CPXM2: variants seen among roughly 807,000 people sequenced by gnomAD.
The protein encoded by CPXM2 is inactive carboxypeptidase-like protein X2.
CPXM2 carries 66 observed loss-of-function variants against 86.1 expected under a neutral mutation model. The ratio of observed to expected loss-of-function variants is 0.77; its 90% CI spans 0.63 to 0.94. CPXM2 has a LOEUF of 0.94. Ranked by LOEUF, CPXM2 falls within the 40% of genes least tolerant of loss-of-function variation. The pLI is 0.00. For synonymous variants in CPXM2, 388 were observed against 400.2 expected (o/e 0.97, Z 0.36); for missense variants, 948 against 1,026.3 (o/e 0.92, Z 1.04).
At chr10:123,822,520 C>T (rs887547082) in intron 4 of CPXM2, among the ~76,000 whole-genome samples, 10 of 151,596 alleles carry the variant, frequency 6.6e-5, no homozygotes, top group Non-Finnish European at 1.3e-4. Flanking sequence ...ATACAGAGTG[C>T]TTGTAAATCG....
rs1182839822 is a variant in CPXM2 at position 123,866,082 on chromosome 10, T to G, written c.404-3359A>C. ...TCGGTCCAGACCTTCCTTCCTTGTT[T>G]GGACTTTTCTTTCCACCTTCCCCAG... On this transcript the variant is annotated intron_variant, in intron 2 of 13. Coordinates refer to ENST00000241305, the MANE Select transcript of CPXM2 (RefSeq NM_198148.3). Among the ~76,000 whole-genome samples the G allele has an allele frequency of 5.3e-5, 8 of 152,268 alleles. No individual in the cohort carries two copies. The East Asian group carries it at 1.5e-3, about 29-fold the overall frequency.
At chr10:123,871,584 G>GAA (rs1944897113) in intron 2 of CPXM2, among the ~76,000 whole-genome samples, 1 of 152,106 alleles carries the variant, frequency 6.6e-6, no homozygotes, top group East Asian at 1.9e-4. Flanking sequence ...TTACTTTAGT[G>GAA]AAAATATGTT....
intron 2 of CPXM2, among the ~76,000 whole-genome samples, chr10:123,927,414 G>A (rs978565127): frequency 4.6e-5 from 7 of 152,210 alleles, no homozygotes; most frequent in East Asian, 3.8e-4. Context: ...GAGTAAAAAC[G>A]TACATAGGCT....
intron 6 of CPXM2, among the ~76,000 whole-genome samples, chr10:123,793,558 G>A (rs1847257494): frequency 6.6e-6 from 1 of 150,918 alleles, no homozygotes; most frequent in Non-Finnish European, 1.5e-5. Context: ...GGCTTCTCCT[G>A]AAAGGGGTGT....
At position 123,798,084 on chromosome 10, in the gene CPXM2, C is replaced by G; in HGVS notation, c.781G>C (p.Glu261Gln). 2 of 1,611,148 alleles carry G rather than the reference C, an allele frequency of 1.2e-6. No individual in the cohort carries two copies. Among genetic ancestry groups the G allele is most frequent in the South Asian group, 2.2e-5 (2 of 90,476 alleles). The change falls in exon 6 of 14, where the codon GAG (glutamate) becomes CAG (glutamine). Residue 261 changes from glutamate to glutamine, a missense_variant. Coordinates refer to ENST00000241305, the MANE Select transcript of CPXM2 (RefSeq NM_198148.3). ...CGGGCCACCATGGGGACGGGTAGCT[C>G]ATTGAGAACAGGGATCTCCTTCTCA... ...NSEKEIPVLN[E>Q]LPVPMVARYI...
chr10:123,816,188 C>T (rs1252321640), intron 4 of CPXM2, among the ~76,000 whole-genome samples: 1 of 152,104 alleles, frequency 6.6e-6, no homozygotes, highest in East Asian at 1.9e-4. Context: ...TTACTAATGC[C>T]ATGCAAAATA....
chr10:123,747,787 TG>T lies in CPXM2; in HGVS notation c.2018-771del, dbSNP rs1222035732. Reference sequence around the variant, plus strand: ...CAGCACTTTGGGAGGCTGGGTGTGGTGGTGGGTGCCTGTAATCCCAGCTACT... The same window carrying T: ...CAGCACTTTGGGAGGCTGGGTGTGGTGTGGGTGCCTGTAATCCCAGCTACT... On this transcript the variant is annotated intron_variant, in intron 13 of 13. Coordinates refer to ENST00000241305, the MANE Select transcript of CPXM2 (RefSeq NM_198148.3). 2.6e-5 allele frequency among the ~76,000 whole-genome samples: 4 copies of T among 151,998 alleles called. No homozygotes were observed. The East Asian group carries it at 7.8e-4, about 30-fold the overall frequency.
intron 1 of CPXM2, among the ~76,000 whole-genome samples, chr10:123,890,683 T>C (rs1038650263): frequency 1.1e-4 from 16 of 152,186 alleles, no homozygotes; most frequent in Non-Finnish European, 5.9e-5. Context: ...GAAAATGAGG[T>C]TGGCAGAAAC....
At chr10:123,900,788 C>T (rs1015402730) in intron 2 of CPXM2, among the ~76,000 whole-genome samples, 3 of 152,122 alleles carry the variant, frequency 2.0e-5, no homozygotes, top group African/African-American at 7.2e-5. Context: ...ATGCTTGTGC[C>T]AATAGAGAAT....
chr10:123,832,444 T>G (rs1848185045), intron 4 of CPXM2, among the ~76,000 whole-genome samples: 1 of 152,312 alleles, frequency 6.6e-6, no homozygotes, highest in Admixed American at 6.5e-5. Context: ...GACAGGATTT[T>G]ACTATGAGGC....
At chr10:123,869,650 G>A (rs1035042356) in intron 2 of CPXM2, among the ~76,000 whole-genome samples, 1 of 152,156 alleles carries the variant, frequency 6.6e-6, no homozygotes, top group African/African-American at 2.4e-5. Flanking sequence ...GGCGAGCATG[G>A]CGTCCTCTGC....
chr10:123,903,899 C>G (rs1003250310), intron 2 of CPXM2, among the ~76,000 whole-genome samples: 2 of 152,208 alleles, frequency 1.3e-5, no homozygotes, highest in African/African-American at 2.4e-5. Context: ...GGGGGAAGCT[C>G]TCAGACTCTG....
intron 4 of CPXM2, among the ~76,000 whole-genome samples, chr10:123,832,413 C>T (rs1306289375): frequency 6.6e-6 from 1 of 152,050 alleles, no homozygotes; most frequent in Non-Finnish European, 1.5e-5. Context: ...GTGCACTGGA[C>T]AGGGAGGAGG....
At chr10:123,789,753 C>A (rs1379326066) in intron 6 of CPXM2, among the ~76,000 whole-genome samples, 2 of 152,182 alleles carry the variant, frequency 1.3e-5, no homozygotes, top group Non-Finnish European at 2.9e-5. Context: ...GTAGCCCCTA[C>A]TGCTGCGTCG....
chr10:123,746,507 T>A lies in CPXM2; in HGVS notation c.*257A>T, dbSNP rs1468724251. The A allele has an allele frequency of 5.9e-6, 3 of 505,678 alleles. No individual in the cohort carries two copies. The highest frequency in any genetic ancestry group is 1.0e-5 in the Non-Finnish European group (3 of 286,448). The allele number at this position is 505,678 out of a possible 1,614,324, so 31.3% of individuals were successfully genotyped here. A position where few individuals can be genotyped will look rare whatever the true frequency, so the allele number is the denominator to read the frequency against. On this transcript the variant is annotated 3_prime_UTR_variant, in exon 14 of 14. Transcript: ENST00000241305. ...CTCCTTCTCTCTCTGATTCCCAGGTTGGCTTGCTGAGTTCTCTCACTCCCA... is the reference window on the plus strand; with the variant it reads ...CTCCTTCTCTCTCTGATTCCCAGGTAGGCTTGCTGAGTTCTCTCACTCCCA...
chr10:123,760,402 C>A (rs1564753203), intron 11 of CPXM2, among the ~76,000 whole-genome samples: 1 of 151,950 alleles, frequency 6.6e-6, no homozygotes, highest in Non-Finnish European at 1.5e-5. Context: ...CAAGATAAAA[C>A]CATGATGGAT....
intron 2 of CPXM2, among the ~76,000 whole-genome samples, chr10:123,922,353 A>C (rs1293001256): frequency 6.6e-6 from 1 of 152,246 alleles, no homozygotes; most frequent in Non-Finnish European, 1.5e-5. Context: ...AGCCTAAGGG[A>C]ATAAGGGCAA....
Position 123,917,265 on chromosome 10 carries a change from C to T in CPXM2, n.174+22212G>A, listed in dbSNP as rs190911259. Among the ~76,000 whole-genome samples, 306 of 152,310 alleles carry T rather than the reference C, an allele frequency of 2.0e-3. 2 individuals carry two copies. The Middle Eastern group carries it at 0.02, about 10-fold the overall frequency. On this transcript the variant is annotated intron_variant and non_coding_transcript_variant, in intron 2 of 19. Coordinates refer to the CPXM2 transcript ENST00000368854. ...TTTATTCCATTTCTAATTCAGGATC[C>T]GCTTTGATGTGCTCAGGCACAGGAA... is the stretch of plus-strand genomic sequence containing the variant.
intron 2 of CPXM2, among the ~76,000 whole-genome samples, chr10:123,899,879 TA>T (rs1283125053): frequency 6.6e-6 from 1 of 152,178 alleles, no homozygotes; most frequent in Non-Finnish European, 1.5e-5. Context: ...AAAAACTTGT[TA>T]AATAAAAACC....
Sources: gnomAD v4.1 joint callset for allele counts (sites outside exome capture counted in the v4.1 genomes callset) on GRCh38, gnomAD v4.1.1 for gene constraint, MANE v1.5 for transcripts, NCBI Gene and HGNC (gene_info 2026-07-23, HGNC 2026-07-21) for gene names.